Variants in SHOC2 observed in about 807,000 individuals in gnomAD.
SHOC2 encodes SHOC2 leucine rich repeat scaffold protein.
Under a neutral mutation model 50.2 loss-of-function variants are expected in SHOC2, and 4 were observed. That is an observed-to-expected ratio of 0.08 (90% confidence interval 0.04 to 0.18). SHOC2 has a LOEUF of 0.18. Among genes scored for constraint, SHOC2 ranks in the 10% least tolerant of loss-of-function variants. The probability of loss-of-function intolerance (pLI) is 1.00; values close to 1 mark genes in which losing one functional copy is unlikely to be tolerated. For missense variants in SHOC2, 388 were observed against 669.6 expected (o/e 0.58, Z 4.64); for synonymous variants, 218 against 244.5 (o/e 0.89, Z 1.01).
At chr10:110,919,680 G>A (rs930674785) in intron 1 of SHOC2, 23 bp downstream of exon 1, 1 of 398,538 alleles carries the variant, frequency 2.5e-6, no homozygotes, top group Non-Finnish European at 4.4e-6. Flanking sequence ...CGATGAGGCG[G>A]AGGGTGTCTG....
intron 1 of SHOC2, among the ~76,000 whole-genome samples, chr10:110,933,534 A>G (rs1032598899): frequency 6.6e-6 from 1 of 152,240 alleles, no homozygotes; most frequent in Non-Finnish European, 1.5e-5. Flanking sequence ...GAGACCAGGC[A>G]GGTAACATAA....
chr10:110,953,946 C>T (rs1847408234), intron 1 of SHOC2, among the ~76,000 whole-genome samples: 3 of 150,704 alleles, frequency 2.0e-5, no homozygotes, highest in Admixed American at 1.3e-4. Flanking sequence ...AGTCATCTAT[C>T]TTGGTTTATT....
chr10:110,964,624 A>AGGT lies in SHOC2; in HGVS notation c.268_270dup (p.Val90dup). On this transcript the variant is annotated inframe_insertion, in exon 2 of 9. Transcript: ENST00000369452. The surrounding 1 kb of genome is among the most constrained non-coding windows in gnomAD (Gnocchi z 4.9). ...ACTAGAAAAAAATCCAGCAATGCAGAGGTGATTAAAGAGCTCAACAAATGC... is the reference window on the plus strand; with the variant it reads ...ACTAGAAAAAAATCCAGCAATGCAGAGGTGGTGATTAAAGAGCTCAACAAATGC... 3 of 1,614,136 alleles carry AGGT rather than the reference A, an allele frequency of 1.9e-6. No individual in the cohort carries two copies. The highest frequency in any genetic ancestry group is 2.5e-6 in the Non-Finnish European group (3 of 1,179,996).
intron 1 of SHOC2, chr10:110,920,151 G>A (rs1846596778): frequency 6.6e-6 from 1 of 152,304 alleles, no homozygotes; most frequent in South Asian, 2.1e-4. Flanking sequence ...TACAGGGTGG[G>A]GTCTCTTCTC....
chr10:111,005,773 T>G (rs181975994), intron 5 of SHOC2, among the ~76,000 whole-genome samples: 2 of 152,210 alleles, frequency 1.3e-5, no homozygotes, highest in Admixed American at 1.3e-4. Context: ...GGACAAACTT[T>G]AGGCCCAAGG....
chr10:110,940,910 G>GTTTTTTTTTTTTTTTTTTTTTTTTT (rs539552844), intron 1 of SHOC2, among the ~76,000 whole-genome samples: 5 of 119,504 alleles, frequency 4.2e-5, no homozygotes, highest in African/African-American at 6.4e-5. Context: ...TTTGTGGTGG[G>GTTTTTTTTTTTTTTTTTTTTTTTTT]TTTTTTTTTT....
intron 1 of SHOC2, among the ~76,000 whole-genome samples, chr10:110,933,610 T>A (rs572811188): frequency 6.6e-6 from 1 of 152,286 alleles, no homozygotes; most frequent in South Asian, 2.1e-4. Context: ...AGAGGGCAGC[T>A]CCTTTTCAAT....
At chr10:111,003,179 C>T (rs1848411373) in intron 4 of SHOC2, among the ~76,000 whole-genome samples, 1 of 152,166 alleles carries the variant, frequency 6.6e-6, no homozygotes, top group African/African-American at 2.4e-5. Context: ...TACTTCATTC[C>T]TTCAGATGGC....
At chr10:110,919,926 G>A (rs1846583095) in intron 1 of SHOC2, 2 of 262,686 alleles carry the variant, frequency 7.6e-6, no homozygotes, top group East Asian at 1.3e-4. Context: ...AGAGGAAGGC[G>A]GTCGGGTGTG....
intron 4 of SHOC2, among the ~76,000 whole-genome samples, chr10:111,001,971 G>A (rs1009794695): frequency 6.6e-6 from 1 of 151,998 alleles, no homozygotes; most frequent in African/African-American, 2.4e-5. Flanking sequence ...GCTTGAACCC[G>A]GGAGGCAGAG....
chr10:110,974,992 C>T (rs1847849220), intron 2 of SHOC2, among the ~76,000 whole-genome samples: 1 of 152,068 alleles, frequency 6.6e-6, no homozygotes, highest in Admixed American at 6.6e-5. Flanking sequence ...TCCATATACC[C>T]TTCACTCAGC....
intron 1 of SHOC2, among the ~76,000 whole-genome samples, chr10:110,953,711 T>TAC (rs1370912428): frequency 1.3e-5 from 2 of 151,648 alleles, no homozygotes; most frequent in African/African-American, 4.8e-5. Context: ...GAGATATATA[T>TAC]ATACACACAC....
At chr10:110,980,983 A>G (rs1248462243) in intron 2 of SHOC2, among the ~76,000 whole-genome samples, 1 of 152,152 alleles carries the variant, frequency 6.6e-6, no homozygotes. Context: ...GCACTGCTGA[A>G]TCTTTCATGT....
intron 1 of SHOC2, among the ~76,000 whole-genome samples, chr10:110,923,096 G>T (rs1434372405): frequency 1.3e-5 from 2 of 151,872 alleles, no homozygotes; most frequent in Non-Finnish European, 2.9e-5. Context: ...TAACTGCTTG[G>T]CCTTCTGAAT....
intron 1 of SHOC2, among the ~76,000 whole-genome samples, chr10:110,922,129 T>C (rs576761412): frequency 8.5e-5 from 13 of 152,224 alleles, no homozygotes; most frequent in African/African-American, 3.1e-4. Context: ...AATTACAAAT[T>C]CCTTTGTCAC....
At chr10:110,988,471 A>G (rs1848122322) in intron 3 of SHOC2, among the ~76,000 whole-genome samples, 1 of 152,130 alleles carries the variant, frequency 6.6e-6, no homozygotes, top group Non-Finnish European at 1.5e-5. Context: ...TTCAATTATC[A>G]CATTTAAAAG....
At chr10:110,995,626 A>T (rs1848255577) in intron 3 of SHOC2, among the ~76,000 whole-genome samples, 1 of 152,210 alleles carries the variant, frequency 6.6e-6, no homozygotes, top group African/African-American at 2.4e-5. Flanking sequence ...CACAAATGTT[A>T]TGGTAAAGTC....
chr10:110,990,529 C>T (rs113946148), intron 3 of SHOC2, among the ~76,000 whole-genome samples: 1 of 82,612 alleles, frequency 1.2e-5, no homozygotes, highest in African/African-American at 2.8e-5. Context: ...CTGATGGGGA[C>T]GTGGAGAACC....
upstream of SHOC2, chr10:110,919,565 G>C: frequency 4.3e-6 from 1 of 234,504 alleles, no homozygotes; most frequent in Non-Finnish European, 8.0e-6. Flanking sequence ...GGCGGGCGGG[G>C]GGCGGCGGTT....
Sources: allele counts gnomAD v4.1 joint callset (sites outside exome capture counted in the v4.1 genomes callset), GRCh38; gene constraint gnomAD v4.1.1; non-coding constraint Gnocchi (gnomAD v3.1); transcripts MANE v1.5; gene names NCBI Gene and HGNC (gene_info 2026-07-23, HGNC 2026-07-21).